The following AGBL4 variants were observed in gnomAD, a reference collection of about 807,000 sequenced individuals.
AGBL4 encodes cytosolic carboxypeptidase 6.
AGBL4 carries 58 observed loss-of-function variants against 66.4 expected under a neutral mutation model. The ratio of observed to expected loss-of-function variants is 0.87; its 90% CI spans 0.71 to 1.09. AGBL4 has a LOEUF of 1.09. AGBL4 is among the 50% of genes least tolerant of loss of function. The pLI is 0.00. For missense variants in AGBL4, 579 were observed against 631.0 expected (o/e 0.92, Z 0.88); for synonymous variants, 234 against 222.9 (o/e 1.05, Z -0.44).
chr1:48,942,476 A>AG (rs537938245), intron 5 of AGBL4, among the ~76,000 whole-genome samples: 19 of 152,282 alleles, frequency 1.2e-4, no homozygotes, highest in Admixed American at 1.2e-3. Context: ...AAACTATTAG[A>AG]GGGCTGTTGT....
At chr1:49,522,097 TAC>T (rs1650311281) in intron 3 of AGBL4, among the ~76,000 whole-genome samples, 1 of 152,136 alleles carries the variant, frequency 6.6e-6, no homozygotes, top group Non-Finnish European at 1.5e-5. Flanking sequence ...AAAAATTTGT[TAC>T]AGTCTGTCCT....
chr1:49,868,380 C>G (rs973145222), intron 1 of AGBL4, among the ~76,000 whole-genome samples: 4 of 152,176 alleles, frequency 2.6e-5, no homozygotes, highest in African/African-American at 4.8e-5. Context: ...TCAGACTACA[C>G]TACAAGGCTA....
At chr1:48,596,046 A>G (rs546460299) in intron 9 of AGBL4, among the ~76,000 whole-genome samples, 1 of 152,198 alleles carries the variant, frequency 6.6e-6, no homozygotes, top group African/African-American at 2.4e-5. Flanking sequence ...TTTACAGAGG[A>G]GGAAATGGAA....
chr1:49,224,854 G>C (rs1649784536), intron 4 of AGBL4, among the ~76,000 whole-genome samples: 1 of 152,144 alleles, frequency 6.6e-6, no homozygotes, highest in African/African-American at 2.4e-5. Context: ...GTTGGGATAA[G>C]TTGACAGTAA....
chr1:48,925,961 C>T (rs1251686101), intron 5 of AGBL4, among the ~76,000 whole-genome samples: 1 of 152,086 alleles, frequency 6.6e-6, no homozygotes, highest in East Asian at 1.9e-4. Flanking sequence ...GAGGCATTCT[C>T]ATTATGAGGT....
intron 9 of AGBL4, among the ~76,000 whole-genome samples, chr1:48,600,010 G>A (rs1184320302): frequency 6.6e-6 from 1 of 152,182 alleles, no homozygotes; most frequent in Non-Finnish European, 1.5e-5. Flanking sequence ...AGACCGTGGA[G>A]TGGTCAGAGA....
At chr1:48,949,321 G>A (rs1656774909) in intron 5 of AGBL4, among the ~76,000 whole-genome samples, 1 of 152,200 alleles carries the variant, frequency 6.6e-6, no homozygotes, top group Non-Finnish European at 1.5e-5. Context: ...AGTAAAGTAG[G>A]TAGACCGAGA....
In AGBL4 at chr1:48,655,119, C is replaced by T. The variant is rs561475142; in HGVS notation, c.725-1668G>A. On this transcript the variant is annotated intron_variant, in intron 7 of 13. Transcript: ENST00000371839. ...ACAGATGAGCAGATTAATTGGGCTGCCAATTAGGCAGCTAATAAAAGAATG... is the reference window on the plus strand; with the variant it reads ...ACAGATGAGCAGATTAATTGGGCTGTCAATTAGGCAGCTAATAAAAGAATG... Among the ~76,000 whole-genome samples, 3 of 152,210 alleles carry T rather than the reference C, an allele frequency of 2.0e-5. No individual in the cohort carries two copies. The Middle Eastern group carries it at 0.01, about 518-fold the overall frequency.
intron 3 of AGBL4, among the ~76,000 whole-genome samples, chr1:49,425,491 A>G (rs1645636341): frequency 6.6e-6 from 1 of 152,180 alleles, no homozygotes; most frequent in South Asian, 2.1e-4. Flanking sequence ...AAGATTTGTA[A>G]GCTTTAAAAA....
At chr1:49,695,084 A>C (rs138144069) in intron 3 of AGBL4, among the ~76,000 whole-genome samples, 37 of 152,182 alleles carry the variant, frequency 2.4e-4, no homozygotes, top group African/African-American at 7.2e-4. Flanking sequence ...ACTTCTTAGG[A>C]GTTAGTGGGT....
chr1:49,297,100 C>A (rs1644658477), intron 3 of AGBL4, among the ~76,000 whole-genome samples: 1 of 152,226 alleles, frequency 6.6e-6, no homozygotes, highest in Non-Finnish European at 1.5e-5. Flanking sequence ...CAAAATACAA[C>A]TTTCATCTTC....
At chr1:49,543,770 C>T (rs1457695240) in intron 3 of AGBL4, among the ~76,000 whole-genome samples, 1 of 152,140 alleles carries the variant, frequency 6.6e-6, no homozygotes, top group East Asian at 1.9e-4. Flanking sequence ...TACTGATTTG[C>T]TGGTGCCATA....
chr1:49,759,403 G>A (rs756636358), intron 2 of AGBL4, among the ~76,000 whole-genome samples: 2 of 152,138 alleles, frequency 1.3e-5, no homozygotes, highest in Non-Finnish European at 2.9e-5. Context: ...AAAAATAAAA[G>A]TCTGAGAAAT....
intron 8 of AGBL4, among the ~76,000 whole-genome samples, chr1:48,638,737 G>A (rs1349984634): frequency 6.6e-6 from 1 of 152,204 alleles, no homozygotes; most frequent in Non-Finnish European, 1.5e-5. Flanking sequence ...CAAGAGCAAG[G>A]ATGCCATCTT....
At chr1:48,642,101 C>A (rs958910131) in intron 8 of AGBL4, among the ~76,000 whole-genome samples, 2 of 152,080 alleles carry the variant, frequency 1.3e-5, no homozygotes, top group Non-Finnish European at 2.9e-5. Flanking sequence ...AGAGTCATAG[C>A]CCATAGCCCC....
intron 6 of AGBL4, among the ~76,000 whole-genome samples, chr1:48,841,912 CT>C (rs1033492242): frequency 2.0e-5 from 3 of 152,150 alleles, no homozygotes; most frequent in Non-Finnish European, 4.4e-5. Context: ...CATGTAATTG[CT>C]TTTGGGCACA....
At chr1:48,620,611 C>A (rs573739181) in intron 9 of AGBL4, among the ~76,000 whole-genome samples, 11 of 152,186 alleles carry the variant, frequency 7.2e-5, no homozygotes, top group African/African-American at 2.6e-4. Flanking sequence ...ATAACCAGAG[C>A]TACAGCTGTT....
intron 4 of AGBL4, among the ~76,000 whole-genome samples, chr1:49,054,641 A>G (rs941208824): frequency 6.6e-6 from 1 of 151,992 alleles, no homozygotes; most frequent in Non-Finnish European, 1.5e-5. Context: ...ATAGTTGTCA[A>G]AATGTACCCA....
intron 5 of AGBL4, among the ~76,000 whole-genome samples, chr1:49,004,087 T>C (rs1406609319): frequency 1.3e-5 from 2 of 152,210 alleles, no homozygotes; most frequent in African/African-American, 4.8e-5. Flanking sequence ...TTCCACATTA[T>C]CTCAAGGGCT....
Sources: gnomAD v4.1 joint callset for allele counts (sites outside exome capture counted in the v4.1 genomes callset) on GRCh38, gnomAD v4.1.1 for gene constraint, MANE v1.5 for transcripts, NCBI Gene and HGNC (gene_info 2026-07-23, HGNC 2026-07-21) for gene names.